SLC25A33: variants seen among roughly 807,000 people sequenced by gnomAD.
The protein encoded by SLC25A33 is solute carrier family 25 member 33, also known as bone marrow stromal cell mitochondrial carrier protein.
SLC25A33 carries 15 observed loss-of-function variants against 35.5 expected under a neutral mutation model. That is an observed-to-expected ratio of 0.42 (90% CI 0.28 to 0.65). SLC25A33 has a LOEUF of 0.65. Ranked by LOEUF, SLC25A33 falls within the 30% of genes least tolerant of loss-of-function variation. The pLI is 0.20. For missense variants in SLC25A33, 257 were observed against 398.5 expected (o/e 0.64, Z 3.02); for synonymous variants, 136 against 148.7 (o/e 0.91, Z 0.62).
At chr1:9,555,110 CTTT>C (rs1172100444) in intron 2 of SLC25A33, among the ~76,000 whole-genome samples, 4 of 91,190 alleles carry the variant, frequency 4.4e-5, no homozygotes, top group African/African-American at 1.8e-4. Context: ...GCATTTAGCA[CTTT>C]TTTTTTTTTT....
intron 1 of SLC25A33, among the ~76,000 whole-genome samples, chr1:9,542,593 A>G (rs1272768454): frequency 1.3e-5 from 2 of 152,164 alleles, no homozygotes; most frequent in African/African-American, 4.8e-5. Flanking sequence ...GTCCGGTGGA[A>G]TATGTGCTGC....
intron 1 of SLC25A33, among the ~76,000 whole-genome samples, chr1:9,542,904 C>A (rs12023288): frequency 0.15 from 22,724 of 152,068 alleles, 1,838 homozygotes; most frequent in East Asian, 0.29. Context: ...CCTCCGCCTC[C>A]CGGGTTGAAG....
At position 9,564,725 on chromosome 1, in the gene SLC25A33, TA is replaced by T. The variant is rs1553146726; in HGVS notation, c.237-2544del. Among the ~76,000 whole-genome samples, 261 of 94,484 alleles carry T rather than the reference TA, an allele frequency of 2.8e-3. 5 individuals carry two copies. Among genetic ancestry groups the T allele is most frequent in the Middle Eastern group, 0.015 (3 of 194 alleles). The allele number at this position is 94,484 out of a possible 152,430, so 62.0% of individuals were successfully genotyped here. On this transcript the variant is annotated intron_variant, in intron 2 of 6. Transcript: ENST00000302692. The stretch of plus-strand genomic sequence containing the variant: ...AACATGGTGACACCTCGTCTCTATT[TA>T]AAAAAAAAAAAAAATATATATATAT...
intron 1 of SLC25A33, among the ~76,000 whole-genome samples, chr1:9,547,751 G>T (rs745764551): frequency 3.3e-5 from 5 of 150,918 alleles, no homozygotes; most frequent in South Asian, 4.2e-4. Flanking sequence ...CTGGGGTGGG[G>T]ACAAAATTGC....
chr1:9,557,244 A>G (rs1643357393), intron 2 of SLC25A33, among the ~76,000 whole-genome samples: 2 of 152,348 alleles, frequency 1.3e-5, no homozygotes, highest in East Asian at 3.9e-4. Context: ...GAATACTTTT[A>G]AATCAGTTTA....
chr1:9,550,162 G>C (rs1160744673), intron 1 of SLC25A33, among the ~76,000 whole-genome samples: 1 of 147,810 alleles, frequency 6.8e-6, no homozygotes, highest in Non-Finnish European at 1.5e-5. Context: ...CACCATGCCT[G>C]ACTAATTTGT....
intron 4 of SLC25A33, among the ~76,000 whole-genome samples, chr1:9,571,663 G>C (rs924995544): frequency 6.7e-6 from 1 of 149,594 alleles, no homozygotes; most frequent in African/African-American, 2.5e-5. Context: ...TTTGATACAG[G>C]GTCTGGCTGT....
At chr1:9,546,959 T>G (rs542877769) in intron 1 of SLC25A33, among the ~76,000 whole-genome samples, 23 of 152,270 alleles carry the variant, frequency 1.5e-4, no homozygotes, top group African/African-American at 5.1e-4. Flanking sequence ...AAGTCTTCAG[T>G]GTAATTCTGG....
chr1:9,558,737 C>T (rs1643379722), intron 2 of SLC25A33, among the ~76,000 whole-genome samples: 2 of 152,180 alleles, frequency 1.3e-5, no homozygotes. Flanking sequence ...CTTCCTCCAC[C>T]ACTGTCCTGA....
chr1:9,552,280 A>G (rs1056592026), intron 1 of SLC25A33, among the ~76,000 whole-genome samples: 5 of 152,134 alleles, frequency 3.3e-5, no homozygotes, highest in African/African-American at 9.7e-5. Flanking sequence ...CAGTGACACA[A>G]TCTTGGCTCA....
chr1:9,539,976 C>T (rs1233206040), intron 1 of SLC25A33, among the ~76,000 whole-genome samples: 1 of 152,144 alleles, frequency 6.6e-6, no homozygotes, highest in Admixed American at 6.5e-5. Flanking sequence ...GCGGCTGTGC[C>T]CCGCCGCCCG....
At chr1:9,573,726 G>A (rs140830967) in intron 5 of SLC25A33, among the ~76,000 whole-genome samples, 1 of 152,164 alleles carries the variant, frequency 6.6e-6, no homozygotes, top group African/African-American at 2.4e-5. Context: ...CAGTTGAAGT[G>A]CTGTGGGTTC....
intron 1 of SLC25A33, among the ~76,000 whole-genome samples, chr1:9,552,169 A>T (rs1403416398): frequency 2.0e-5 from 3 of 152,192 alleles, no homozygotes; most frequent in Non-Finnish European, 4.4e-5. Context: ...GGATTAACTG[A>T]TTAGTTGTGA....
At chr1:9,574,715 A>G (rs1225080150) in intron 5 of SLC25A33, among the ~76,000 whole-genome samples, 1 of 152,244 alleles carries the variant, frequency 6.6e-6, no homozygotes, top group Non-Finnish European at 1.5e-5. Flanking sequence ...AAAAAACCCT[A>G]GCTGAAATAA....
At chr1:9,568,164 G>A (rs191963825) in intron 3 of SLC25A33, among the ~76,000 whole-genome samples, 10 of 152,346 alleles carry the variant, frequency 6.6e-5, no homozygotes, top group African/African-American at 1.4e-4. Context: ...CTTCCAGGCC[G>A]GCTGTGGTGG....
chr1:9,545,367 C>A (rs1295137802), intron 1 of SLC25A33, among the ~76,000 whole-genome samples: 1 of 151,878 alleles, frequency 6.6e-6, no homozygotes, highest in Non-Finnish European at 1.5e-5. Context: ...AATACATAGG[C>A]TGGGTGTGGT....
Position 9,539,662 on chromosome 1 carries a change from G to A in SLC25A33, c.-30G>A. On this transcript the variant is annotated 5_prime_UTR_variant, in exon 1 of 7. Coordinates refer to ENST00000302692, the MANE Select transcript of SLC25A33 (RefSeq NM_032315.3). ...AGCCGCCACGCGCTCTCGCCACCGG[G>A]CGGCGACGGGCCGCGGAGCCGGCGC... is the stretch of plus-strand genomic sequence containing the variant. 1 of 1,346,602 alleles carries A rather than the reference G, an allele frequency of 7.4e-7. No homozygotes were observed. Among genetic ancestry groups the A allele is most frequent in the Non-Finnish European group, 9.5e-7 (1 of 1,052,284 alleles). 83.4% of individuals were successfully genotyped at this position (1,346,602 alleles called of 1,614,324 possible). A position where few individuals can be genotyped will look rare whatever the true frequency, so the allele number is the denominator to read the frequency against.
chr1:9,556,408 A>G (rs1569853260), intron 2 of SLC25A33, among the ~76,000 whole-genome samples: 1 of 152,122 alleles, frequency 6.6e-6, no homozygotes, highest in African/African-American at 2.4e-5. Context: ...ATGTTTCTCC[A>G]TTTTAGGTTT....
intron 1 of SLC25A33, among the ~76,000 whole-genome samples, chr1:9,549,138 G>A (rs1447487124): frequency 6.6e-6 from 1 of 152,162 alleles, no homozygotes; most frequent in African/African-American, 2.4e-5. Context: ...AAGGGACTGG[G>A]TGGTATGCTT....
Sources: gnomAD v4.1 joint callset for allele counts (sites outside exome capture counted in the v4.1 genomes callset) on GRCh38, gnomAD v4.1.1 for gene constraint, MANE v1.5 for transcripts, NCBI Gene and HGNC (gene_info 2026-07-23, HGNC 2026-07-21) for gene names.